The following PAK2 variants were observed in gnomAD, a reference collection of about 807,000 sequenced individuals.
PAK2 encodes p21 (RAC1) activated kinase 2, also known as serine/threonine-protein kinase PAK 2.
In PAK2, 21 loss-of-function variants were observed where a neutral mutation model predicts 65.9. The ratio of observed to expected loss-of-function variants is 0.32; its 90% confidence interval spans 0.23 to 0.46. The LOEUF is 0.46. PAK2 is among the 20% of genes least tolerant of loss of function. PAK2 has a pLI of 1.00. For synonymous variants in PAK2, 204 were observed against 219.7 expected (o/e 0.93, Z 0.63); for missense variants, 324 against 642.6 (o/e 0.50, Z 5.36).
intron 2 of PAK2, among the ~76,000 whole-genome samples, chr3:196,790,356 T>C (rs2108747476): frequency 6.6e-6 from 1 of 152,296 alleles, no homozygotes; most frequent in East Asian, 1.9e-4. Context: ...GCTGCTGCTG[T>C]TTTGTTGTCT....
At chr3:196,754,773 T>C (rs1713715604) in intron 1 of PAK2, among the ~76,000 whole-genome samples, 1 of 152,198 alleles carries the variant, frequency 6.6e-6, no homozygotes, top group Non-Finnish European at 1.5e-5. Context: ...CCTGGTTTGC[T>C]TTCTGGAATT....
chr3:196,797,484 TG>T (rs1444800465), intron 2 of PAK2, among the ~76,000 whole-genome samples: 1 of 150,318 alleles, frequency 6.7e-6, no homozygotes, highest in Admixed American at 6.6e-5. Context: ...CTGGGCGCAG[TG>T]GCTCATGCCT....
intron 11 of PAK2, among the ~76,000 whole-genome samples, chr3:196,815,365 G>GGGCT (rs1560116119): frequency 1.3e-5 from 2 of 151,352 alleles, no homozygotes; most frequent in Non-Finnish European, 2.9e-5. Flanking sequence ...GGTGGTGCAC[G>GGGCT]CCTGTAATCC....
intron 13 of PAK2, among the ~76,000 whole-genome samples, chr3:196,823,721 G>C (rs1560119553): frequency 6.6e-6 from 1 of 151,386 alleles, no homozygotes; most frequent in Non-Finnish European, 1.5e-5. Context: ...AATGAGCCAG[G>C]CATGGTGGCG....
chr3:196,818,254 T>C (rs1327920114), intron 12 of PAK2, 98 bp downstream of exon 12: 4 of 592,366 alleles, frequency 6.8e-6, no homozygotes, highest in Non-Finnish European at 1.2e-5. Context: ...TTAATAATGA[T>C]TTAATATAGG....
chr3:196,769,633 A>G (rs1414761576), intron 1 of PAK2, among the ~76,000 whole-genome samples: 4 of 122,170 alleles, frequency 3.3e-5, no homozygotes, highest in East Asian at 2.3e-4. Context: ...AACACGGTGA[A>G]ACCCCGTCTC....
chr3:196,755,811 A>G (rs1713748722), intron 1 of PAK2, among the ~76,000 whole-genome samples: 1 of 151,350 alleles, frequency 6.6e-6, no homozygotes, highest in Admixed American at 6.6e-5. Context: ...CCTGGAGTAC[A>G]GCGGCATGAT....
chr3:196,827,252 T>G lies in PAK2; in HGVS notation c.1407T>G (p.Leu469=), dbSNP rs1711908515. The change falls in exon 14 of 15, where the codon CTT becomes CTG. Residue 469 remains leucine, a synonymous_variant. Transcript: ENST00000327134. ...CAGAACTTCAGAATCCAGAGAAACT[T>G]TCCCCAATATTTCGGGATTTCTTAA... ...GTPELQNPEK[L]SPIFRDFLNR... 3 of 1,611,176 alleles carry G rather than the reference T, an allele frequency of 1.9e-6. No individual in the cohort carries two copies. Among genetic ancestry groups the G allele is most frequent in the Non-Finnish European group, 2.5e-6 (3 of 1,177,428 alleles).
At chr3:196,746,515 A>G (rs2108706145) in intron 1 of PAK2, among the ~76,000 whole-genome samples, 1 of 152,286 alleles carries the variant, frequency 6.6e-6, no homozygotes, top group Non-Finnish European at 1.5e-5. Context: ...ATATAAATTT[A>G]GATTAATAAG....
At chr3:196,815,360 TGC>T (rs1427428859) in intron 11 of PAK2, among the ~76,000 whole-genome samples, 11 of 150,376 alleles carry the variant, frequency 7.3e-5, no homozygotes, top group Admixed American at 1.3e-4. Flanking sequence ...GGCATGGTGG[TGC>T]ACGCCTGTAA....
chr3:196,740,900 A>C (rs1479075613), intron 1 of PAK2, among the ~76,000 whole-genome samples: 1 of 151,092 alleles, frequency 6.6e-6, no homozygotes, highest in African/African-American at 2.5e-5. Flanking sequence ...CTTTTAACTA[A>C]TTCTTTAAAG....
rs1715440802 is a variant in PAK2 at position 196,802,172 on chromosome 3, G to A, written c.288+145G>A. 5 of 625,816 alleles carry A rather than the reference G, an allele frequency of 8.0e-6. No individual in the cohort carries two copies. The East Asian group carries it at 1.3e-4, about 17-fold the overall frequency. 38.8% of individuals were successfully genotyped at this position (625,816 alleles called of 1,614,324 possible). ...CCAGCACTTTGGGAGGCCAAGGCTG[G>A]CAGATCATTTGAGGTCAGGAGTTCG... is the stretch of plus-strand genomic sequence containing the variant. On this transcript the variant is annotated intron_variant, in intron 3 of 14. Transcript: ENST00000327134.
intron 1 of PAK2, among the ~76,000 whole-genome samples, chr3:196,781,462 C>T (rs952601154): frequency 1.3e-5 from 2 of 152,156 alleles, no homozygotes; most frequent in East Asian, 3.9e-4. Context: ...GACAGATTAC[C>T]CAACTGCCTG....
intron 2 of PAK2, among the ~76,000 whole-genome samples, chr3:196,796,293 A>G (rs1239817915): frequency 6.6e-6 from 1 of 152,222 alleles, no homozygotes; most frequent in African/African-American, 2.4e-5. Flanking sequence ...AACATGGATG[A>G]ATCCCAAAAA....
chr3:196,752,872 A>G (rs1413294672), intron 1 of PAK2, among the ~76,000 whole-genome samples: 2 of 151,894 alleles, frequency 1.3e-5, no homozygotes, highest in East Asian at 3.9e-4. Context: ...TAGTAAAAGC[A>G]TGAGCCACCA....
At chr3:196,784,298 C>T (rs1714813300) in intron 2 of PAK2, among the ~76,000 whole-genome samples, 1 of 122,498 alleles carries the variant, frequency 8.2e-6, no homozygotes, top group Non-Finnish European at 1.7e-5. Context: ...CATATGTATA[C>T]ATGTGCCATG....
intron 1 of PAK2, among the ~76,000 whole-genome samples, chr3:196,759,421 C>T (rs1414067206): frequency 1.4e-5 from 2 of 148,028 alleles, no homozygotes; most frequent in Non-Finnish European, 3.0e-5. Context: ...CTTAAAAATT[C>T]CTTAAATTTT....
At chr3:196,750,036 T>C (rs1040262540) in intron 1 of PAK2, among the ~76,000 whole-genome samples, 2 of 151,642 alleles carry the variant, frequency 1.3e-5, no homozygotes, top group African/African-American at 2.4e-5. Context: ...GCCCAGGCTG[T>C]GGTGCAATGG....
At chr3:196,746,309 G>C (rs1713376428) in intron 1 of PAK2, among the ~76,000 whole-genome samples, 1 of 152,084 alleles carries the variant, frequency 6.6e-6, no homozygotes, top group African/African-American at 2.4e-5. Flanking sequence ...AATAGGAATG[G>C]CTTCTGAATT....
Sources: gnomAD v4.1 joint callset for allele counts (sites outside exome capture counted in the v4.1 genomes callset) on GRCh38, gnomAD v4.1.1 for gene constraint, MANE v1.5 for transcripts, NCBI Gene and HGNC (gene_info 2026-07-23, HGNC 2026-07-21) for gene names.